PPM1L: variants seen among roughly 807,000 people sequenced by gnomAD.
PPM1L encodes protein phosphatase 1L.
In PPM1L, 13 loss-of-function variants were observed where a neutral mutation model predicts 31.4. The ratio of observed to expected loss-of-function variants is 0.41; its 90% CI spans 0.27 to 0.66. PPM1L has a LOEUF of 0.66. Ranked by LOEUF, PPM1L falls within the 30% of genes least tolerant of loss-of-function variation. PPM1L has a pLI of 0.29. For synonymous variants in PPM1L, 184 were observed against 175.4 expected, an observed-to-expected ratio of 1.05 and a Z score of -0.39; for missense variants, 326 against 453.7, an observed-to-expected ratio of 0.72 and a Z score of 2.56.
intron 2 of PPM1L, among the ~76,000 whole-genome samples, chr3:160,998,531 T>C (rs578001689): frequency 4.2e-4 from 64 of 152,270 alleles, no homozygotes; most frequent in African/African-American, 1.5e-3. Context: ...CATTACCTTC[T>C]TCAGGGTCAC....
intron 2 of PPM1L, among the ~76,000 whole-genome samples, chr3:161,038,487 T>C (rs1718811999): frequency 1.3e-5 from 2 of 151,366 alleles, no homozygotes; most frequent in African/African-American, 4.9e-5. Context: ...AATTTTTATT[T>C]ATGTGTAGAA....
At position 160,924,462 on chromosome 3, in the gene PPM1L, A is replaced by G. The variant is rs77217494; in HGVS notation, c.400-37274A>G. On this transcript the variant is annotated intron_variant, in intron 1 of 3. Transcript: ENST00000498165. ...ATTCCTAATTTTGGCAGGTTCTGTAATAGGAAGAAAGAATCAAGTCTAGCT... is the reference window on the plus strand; with the variant it reads ...ATTCCTAATTTTGGCAGGTTCTGTAGTAGGAAGAAAGAATCAAGTCTAGCT... Among the ~76,000 whole-genome samples the G allele has an allele frequency of 8.8e-3, 1,333 of 152,308 alleles. 30 individuals are homozygous for G. Among genetic ancestry groups the G allele is most frequent in the Non-Finnish European group, 9.7e-3 (660 of 68,024 alleles).
chr3:160,805,994 C>T (rs1006422240), intron 1 of PPM1L, among the ~76,000 whole-genome samples: 1 of 152,230 alleles, frequency 6.6e-6, no homozygotes, highest in African/African-American at 2.4e-5. Context: ...GAACCACCCC[C>T]TGCCCCCTGT....
In PPM1L at chr3:161,070,025, T is replaced by A. The variant is rs781247834; in HGVS notation, c.*868T>A. ...AGCCACAATACCATGATTCCTTCCA[T>A]TTTCAACAGTAGATGAAGGAAATGA... On this transcript the variant is annotated 3_prime_UTR_variant, in exon 4 of 4. Transcript: ENST00000498165. 29 of 152,160 alleles carry A rather than the reference T, an allele frequency of 1.9e-4. No homozygotes were observed. The highest frequency in any genetic ancestry group is 3.7e-4 in the Non-Finnish European group (25 of 68,036). The allele number at this position is 152,160 out of a possible 1,614,324, so 9.4% of individuals were successfully genotyped here.
At chr3:161,056,700 G>A (rs978087727) in intron 2 of PPM1L, among the ~76,000 whole-genome samples, 6 of 151,874 alleles carry the variant, frequency 4.0e-5, no homozygotes, top group Admixed American at 1.3e-4. Flanking sequence ...CATTTCTTTC[G>A]CTCCTACCCC....
chr3:160,934,667 C>T lies in PPM1L; in HGVS notation c.400-27069C>T, dbSNP rs574708685. 1.6e-4 allele frequency among the ~76,000 whole-genome samples: 25 copies of T among 152,054 alleles called. No homozygotes were observed. The South Asian group carries it at 2.3e-3, about 14-fold the overall frequency. ...CCAATATACTATAAATATTTTACAT[C>T]ATTGGCCGGGTGCAGTGGCTCACAC... On this transcript the variant is annotated intron_variant, in intron 1 of 3. Transcript: ENST00000498165.
intron 1 of PPM1L, among the ~76,000 whole-genome samples, chr3:160,922,463 T>G (rs1714448352): frequency 6.6e-6 from 1 of 152,188 alleles, no homozygotes. Context: ...TATTTACACA[T>G]TACTAAGTCC....
chr3:161,022,961 G>A (rs750563641), intron 2 of PPM1L, among the ~76,000 whole-genome samples: 6 of 152,128 alleles, frequency 3.9e-5, no homozygotes, highest in Non-Finnish European at 8.8e-5. Context: ...ACTGTGCCCA[G>A]CCTCTCCTTC....
chr3:161,027,738 C>T (rs1465462612), intron 2 of PPM1L, among the ~76,000 whole-genome samples: 1 of 151,992 alleles, frequency 6.6e-6, no homozygotes, highest in African/African-American at 2.4e-5. Context: ...GGAATGGGGC[C>T]CAGCAATCTA....
At chr3:160,785,056 G>C (rs1404026430) in intron 1 of PPM1L, among the ~76,000 whole-genome samples, 1 of 152,126 alleles carries the variant, frequency 6.6e-6, no homozygotes, top group Non-Finnish European at 1.5e-5. Flanking sequence ...TTGAAGACTA[G>C]CACTGGGGAG....
intron 1 of PPM1L, among the ~76,000 whole-genome samples, chr3:160,930,816 G>A (rs1258994850): frequency 7.3e-6 from 1 of 136,510 alleles, no homozygotes; most frequent in Non-Finnish European, 1.6e-5. Context: ...GGTTGCGGCT[G>A]GGTTGTAGAT....
intron 2 of PPM1L, among the ~76,000 whole-genome samples, chr3:161,027,242 A>G (rs1035896188): frequency 3.9e-5 from 6 of 152,192 alleles, no homozygotes; most frequent in Non-Finnish European, 7.3e-5. Context: ...AGCAGCTATG[A>G]TGGGAGTGGG....
At chr3:160,953,729 G>A (rs142254709) in intron 1 of PPM1L, among the ~76,000 whole-genome samples, 117 of 152,256 alleles carry the variant, frequency 7.7e-4, no homozygotes, top group African/African-American at 2.7e-3. Context: ...AGGGGTCATC[G>A]TGATGGTGGT....
At chr3:160,899,995 C>T (rs1713485135) in intron 1 of PPM1L, among the ~76,000 whole-genome samples, 1 of 151,978 alleles carries the variant, frequency 6.6e-6, no homozygotes, top group Non-Finnish European at 1.5e-5. Context: ...TTCTCATATT[C>T]TTGGTTTTTA....
intron 1 of PPM1L, among the ~76,000 whole-genome samples, chr3:160,908,001 C>A (rs1220598352): frequency 6.6e-6 from 1 of 152,122 alleles, no homozygotes; most frequent in Non-Finnish European, 1.5e-5. Context: ...GGGCAGAGCC[C>A]AGCAGAGAAG....
At position 160,930,101 on chromosome 3, in the gene PPM1L, T is replaced by C. The variant is rs186710374; in HGVS notation, c.400-31635T>C. Among the ~76,000 whole-genome samples the C allele has an allele frequency of 1.9e-3, 285 of 152,314 alleles. 3 individuals are homozygous for C. The highest frequency in any genetic ancestry group is 6.6e-3 in the African/African-American group (276 of 41,570). On this transcript the variant is annotated intron_variant, in intron 1 of 3. Coordinates refer to ENST00000498165, the MANE Select transcript of PPM1L (RefSeq NM_139245.4). ...AAACTCTCCCTTGATTTCCATACTT[T>C]TGACTCTTTCATTTTGAATGTGGGT...
At chr3:161,065,370 C>T (rs753196602) in intron 2 of PPM1L, 33 bp from the exon 3 acceptor site, 6 of 1,605,590 alleles carry the variant, frequency 3.7e-6, no homozygotes, top group Admixed American at 1.7e-5. Context: ...GCACTGCTGA[C>T]CTCCCGCGTT....
chr3:161,026,885 T>C (rs1001629594), intron 2 of PPM1L, among the ~76,000 whole-genome samples: 5 of 152,166 alleles, frequency 3.3e-5, no homozygotes, highest in South Asian at 2.1e-4. Flanking sequence ...TATTGCTCTT[T>C]GGAAGATTTT....
At chr3:161,010,860 G>A (rs551284523) in intron 2 of PPM1L, among the ~76,000 whole-genome samples, 3 of 152,214 alleles carry the variant, frequency 2.0e-5, no homozygotes, top group African/African-American at 4.8e-5. Flanking sequence ...TGCCCACTTT[G>A]TAATGGGGTT....
Sources: allele counts gnomAD v4.1 joint callset (sites outside exome capture counted in the v4.1 genomes callset), GRCh38; gene constraint gnomAD v4.1.1; transcripts MANE v1.5; gene names NCBI Gene and HGNC (gene_info 2026-07-23, HGNC 2026-07-21).